The following SIL1 variants were observed in gnomAD, a reference collection of about 807,000 sequenced individuals.
The protein encoded by SIL1 is nucleotide exchange factor SIL1.
Under a neutral mutation model 49.1 loss-of-function variants are expected in SIL1, and 40 were observed. The observed-to-expected ratio is 0.81, with a 90% CI of 0.63 to 1.06. The LOEUF (loss-of-function observed/expected upper bound fraction) is 1.06. Ranked by LOEUF, SIL1 falls within the 50% of genes least tolerant of loss-of-function variation. The probability of loss-of-function intolerance (pLI) is 0.00; values close to 1 mark genes in which losing one functional copy is unlikely to be tolerated. For missense variants in SIL1, 500 were observed against 572.6 expected, an observed-to-expected ratio of 0.87 and a Z score of 1.29; for synonymous variants, 253 against 250.8, an observed-to-expected ratio of 1.01 and a Z score of -0.08.
At chr5:139,175,238 C>T (rs1366479971) in intron 1 of SIL1, among the ~76,000 whole-genome samples, 1 of 152,102 alleles carries the variant, frequency 6.6e-6, no homozygotes, top group African/African-American at 2.4e-5. Flanking sequence ...AGGAGAATTG[C>T]TTGAAGCCGG....
chr5:138,950,608 C>A (rs1243191934), intron 9 of SIL1, among the ~76,000 whole-genome samples: 1 of 152,190 alleles, frequency 6.6e-6, no homozygotes, highest in Non-Finnish European at 1.5e-5. Context: ...AATTAAGAAT[C>A]CAGGCCTGGC....
At chr5:139,159,333 G>A (rs186198417) in intron 1 of SIL1, among the ~76,000 whole-genome samples, 26 of 152,328 alleles carry the variant, frequency 1.7e-4, no homozygotes, top group African/African-American at 4.6e-4. Context: ...AATTAGGGCC[G>A]GAAGCCCTGC....
intron 3 of SIL1, among the ~76,000 whole-genome samples, chr5:139,086,587 C>A (rs1770226713): frequency 6.7e-6 from 1 of 150,206 alleles, no homozygotes; most frequent in African/African-American, 2.4e-5. Context: ...GAAATCCTAA[C>A]CTCAAGTGAT....
chr5:139,022,102 A>G (rs1768542423), intron 6 of SIL1: 1 of 152,296 alleles, frequency 6.6e-6, no homozygotes, highest in African/African-American at 2.4e-5. Flanking sequence ...CTTTCCTCAG[A>G]AAGGTCACTG....
At chr5:139,042,570 C>A in intron 5 of SIL1, 50 bp downstream of exon 5, 1 of 1,486,464 alleles carries the variant, frequency 6.7e-7, no homozygotes, top group Non-Finnish European at 9.4e-7. Context: ...TCTGCAAAGA[C>A]AACAAGGCCA....
At chr5:139,191,019 G>C (rs890857588) in intron 1 of SIL1, among the ~76,000 whole-genome samples, 4 of 151,930 alleles carry the variant, frequency 2.6e-5, no homozygotes, top group Non-Finnish European at 4.4e-5. Context: ...ATTACCTGAT[G>C]TCAGGAGTTC....
At chr5:139,066,115 C>T (rs1373281659) in intron 3 of SIL1, among the ~76,000 whole-genome samples, 3 of 152,126 alleles carry the variant, frequency 2.0e-5, no homozygotes, top group Non-Finnish European at 4.4e-5. Context: ...TACAGCATCC[C>T]CCAGGACAGG....
At chr5:139,029,547 G>T (rs761871049) in intron 5 of SIL1, among the ~76,000 whole-genome samples, 3 of 152,030 alleles carry the variant, frequency 2.0e-5, no homozygotes, top group African/African-American at 7.2e-5. Flanking sequence ...TATTGCTCAC[G>T]TTGAAGTGCA....
At chr5:139,030,979 A>G (rs1768779045) in intron 5 of SIL1, among the ~76,000 whole-genome samples, 1 of 152,214 alleles carries the variant, frequency 6.6e-6, no homozygotes, top group Non-Finnish European at 1.5e-5. Flanking sequence ...ATTGTTTTGC[A>G]TAGTTTCAGT....
intron 4 of SIL1, among the ~76,000 whole-genome samples, chr5:139,045,614 G>A (rs1235286835): frequency 6.6e-6 from 1 of 152,104 alleles, no homozygotes; most frequent in African/African-American, 2.4e-5. Flanking sequence ...TCAGACTCTT[G>A]TACAACTACC....
chr5:138,954,529 G>GCAA, intron 7 of SIL1, among the ~76,000 whole-genome samples: 1 of 152,372 alleles, frequency 6.6e-6, no homozygotes, highest in East Asian at 1.9e-4. Flanking sequence ...CCCAGGCAAG[G>GCAA]GGTTGAAGAA....
At chr5:139,046,187 T>C (rs572250425) in intron 4 of SIL1, among the ~76,000 whole-genome samples, 23 of 152,200 alleles carry the variant, frequency 1.5e-4, no homozygotes, top group Admixed American at 2.6e-4. Context: ...ATTGGCTGGG[T>C]GTGGTGGCAG....
At chr5:138,970,447 G>A (rs942646736) in intron 7 of SIL1, among the ~76,000 whole-genome samples, 2 of 152,150 alleles carry the variant, frequency 1.3e-5, no homozygotes, top group African/African-American at 4.8e-5. Flanking sequence ...GTTTTTAAGG[G>A]ACCAAAATGA....
rs149434751 is a variant in SIL1 at position 138,972,262 on chromosome 5, T to C, written c.768-20378A>G. 2.5e-4 allele frequency among the ~76,000 whole-genome samples: 38 copies of C among 152,342 alleles called. No individual in the cohort carries two copies. In the East Asian group the frequency reaches 6.7e-3, roughly 27 times the overall value. ...TAGCCAACATCTGGTCACCAAGTTC[T>C]TTCTGCCACCATTACTTGTCCACTG... On this transcript the variant is annotated intron_variant, in intron 7 of 9. Coordinates refer to ENST00000394817, the MANE Select transcript of SIL1 (RefSeq NM_022464.5).
chr5:139,051,072 C>T (rs369512405), intron 3 of SIL1, 26 bp from the exon 4 acceptor site: 29 of 1,608,938 alleles, frequency 1.8e-5, no homozygotes, highest in Non-Finnish European at 2.3e-5. Context: ...AGAAAAGGCT[C>T]ATGAGGTACA....
At chr5:139,000,772 T>C (rs1303709670) in intron 7 of SIL1, among the ~76,000 whole-genome samples, 2 of 151,880 alleles carry the variant, frequency 1.3e-5, no homozygotes, top group South Asian at 2.1e-4. Context: ...AAAAGCAACA[T>C]AAGCAATGTG....
intron 1 of SIL1, among the ~76,000 whole-genome samples, chr5:139,134,065 G>A (rs530237559): frequency 6.6e-6 from 1 of 152,218 alleles, no homozygotes; most frequent in Admixed American, 6.5e-5. Context: ...CAATGAATAG[G>A]AAGTACTGGG....
At chr5:139,160,186 CAA>C (rs1277753392) in intron 1 of SIL1, among the ~76,000 whole-genome samples, 1 of 139,064 alleles carries the variant, frequency 7.2e-6, no homozygotes, top group East Asian at 2.0e-4. Context: ...CACACACACA[CAA>C]AAGTTATAGC....
chr5:138,947,314 C>T lies in SIL1; in HGVS notation c.1189G>A (p.Val397Met), dbSNP rs1085307740. ...ALPEHDAREK[V>M]LQTLGVLLTT... The stretch of plus-strand genomic sequence containing the variant: ...AGGAGGACGCCCAGTGTCTGCAGCA[C>T]CTTCTCACGGGCATCATGCTCGGGC... The change falls in exon 10 of 10, where the codon GTG (valine) becomes ATG (methionine). Residue 397 changes from valine to methionine, a missense_variant. Coordinates refer to ENST00000394817, the MANE Select transcript of SIL1 (RefSeq NM_022464.5). This position sits in a 1 kb window ranked among gnomAD's most constrained non-coding sequence, Gnocchi z 4.1. 2 of 1,613,450 alleles carry T rather than the reference C, an allele frequency of 1.2e-6. No individual in the cohort carries two copies. Among genetic ancestry groups the T allele is most frequent in the African/African-American group, 1.3e-5 (1 of 74,946 alleles).
Sources: allele counts gnomAD v4.1 joint callset (sites outside exome capture counted in the v4.1 genomes callset), GRCh38; gene constraint gnomAD v4.1.1; non-coding constraint Gnocchi (gnomAD v3.1); transcripts MANE v1.5; gene names NCBI Gene and HGNC (gene_info 2026-07-23, HGNC 2026-07-21).